GRM1: variants seen among roughly 807,000 people sequenced by gnomAD.
GRM1 encodes the protein glutamate metabotropic receptor 1.
In GRM1, 33 loss-of-function variants were observed where a neutral mutation model predicts 90.9. The observed-to-expected ratio is 0.36, with a 90% CI of 0.28 to 0.49. The LOEUF is 0.49. Ranked by LOEUF, GRM1 falls within the 20% of genes least tolerant of loss-of-function variation. The probability of loss-of-function intolerance (pLI) is 0.99; values close to 1 mark genes in which losing one functional copy is unlikely to be tolerated. For synonymous variants in GRM1, 700 were observed against 613.2 expected, an observed-to-expected ratio of 1.14 and a Z score of -2.09; for missense variants, 1,190 against 1,534.3, an observed-to-expected ratio of 0.78 and a Z score of 3.75.
At chr6:146,097,163 T>A (rs185670178) in intron 1 of GRM1, among the ~76,000 whole-genome samples, 1 of 152,236 alleles carries the variant, frequency 6.6e-6, no homozygotes, top group East Asian at 1.9e-4. Flanking sequence ...ATAAATTAAA[T>A]TTTAGGGAGA....
chr6:146,111,628 T>C (rs1188795545), intron 1 of GRM1, among the ~76,000 whole-genome samples: 2 of 152,076 alleles, frequency 1.3e-5, no homozygotes, highest in South Asian at 2.1e-4. Context: ...TGATGAGGAG[T>C]TGTTCATGCA....
chr6:146,408,392 T>G (rs1170126968), intron 7 of GRM1, among the ~76,000 whole-genome samples: 1 of 152,186 alleles, frequency 6.6e-6, no homozygotes. Context: ...AACTTCTATG[T>G]GTTTCAGTTA....
intron 6 of GRM1, among the ~76,000 whole-genome samples, chr6:146,388,581 G>A (rs1299321162): frequency 1.3e-5 from 2 of 151,996 alleles, no homozygotes; most frequent in East Asian, 3.9e-4. Flanking sequence ...TAGTACAAAG[G>A]TCCTTTTTAA....
intron 1 of GRM1, among the ~76,000 whole-genome samples, chr6:146,140,117 C>CT (rs1348647296): frequency 8.4e-6 from 1 of 118,462 alleles, no homozygotes; most frequent in Non-Finnish European, 1.7e-5. Context: ...TTCTTTCTTT[C>CT]TTTCTTTCTT....
chr6:146,095,248 G>C (rs1776838697), intron 1 of GRM1, among the ~76,000 whole-genome samples: 1 of 152,084 alleles, frequency 6.6e-6, no homozygotes, highest in African/African-American at 2.4e-5. Flanking sequence ...CACTTCTTCT[G>C]ATAGCAGGGT....
At chr6:146,241,368 G>A (rs776953722) in intron 2 of GRM1, among the ~76,000 whole-genome samples, 7 of 152,270 alleles carry the variant, frequency 4.6e-5, no homozygotes, top group Non-Finnish European at 1.0e-4. Flanking sequence ...TACCTTTGAG[G>A]AGTTCATGGT....
intron 1 of GRM1, among the ~76,000 whole-genome samples, chr6:146,035,578 A>T (rs1790861111): frequency 2.0e-5 from 3 of 152,008 alleles, no homozygotes; most frequent in Non-Finnish European, 1.5e-5. Flanking sequence ...TGCAAACACT[A>T]CTGTAAGGTC....
chr6:146,427,260 G>T (rs148092566), intron 7 of GRM1, among the ~76,000 whole-genome samples: 5 of 152,028 alleles, frequency 3.3e-5, no homozygotes, highest in Non-Finnish European at 7.4e-5. Context: ...AGATTTCCTC[G>T]TCTGATAAAA....
At chr6:146,263,518 A>G (rs766341798) in intron 2 of GRM1, among the ~76,000 whole-genome samples, 1 of 151,986 alleles carries the variant, frequency 6.6e-6, no homozygotes, top group South Asian at 2.1e-4. Flanking sequence ...ATAAAATAGC[A>G]GGGAAGTATT....
chr6:146,342,978 T>A (rs938133682), intron 3 of GRM1, among the ~76,000 whole-genome samples: 25 of 152,310 alleles, frequency 1.6e-4, no homozygotes, highest in African/African-American at 5.3e-4. Context: ...ATCTTTTTTT[T>A]TTCCTTTTTC....
chr6:146,154,200 G>A (rs568168701), intron 1 of GRM1, among the ~76,000 whole-genome samples: 1 of 152,144 alleles, frequency 6.6e-6, no homozygotes, highest in Non-Finnish European at 1.5e-5. Context: ...GAAGTCCAAG[G>A]GTGGGCACCC....
chr6:146,378,808 G>T (rs1776208112), intron 5 of GRM1, among the ~76,000 whole-genome samples: 1 of 152,144 alleles, frequency 6.6e-6, no homozygotes. Flanking sequence ...GATTTGGGAG[G>T]GGCCAGGGAG....
chr6:146,064,871 A>AT (rs770108740), intron 1 of GRM1, among the ~76,000 whole-genome samples: 13 of 151,672 alleles, frequency 8.6e-5, no homozygotes, highest in Non-Finnish European at 1.6e-4. Flanking sequence ...TAGTTACAGA[A>AT]TTTTTTTCGA....
At chr6:146,102,650 G>A (rs1777088557) in intron 1 of GRM1, among the ~76,000 whole-genome samples, 1 of 152,132 alleles carries the variant, frequency 6.6e-6, no homozygotes, top group Non-Finnish European at 1.5e-5. Context: ...ATGATTTGAT[G>A]AACTAATAAC....
chr6:146,214,122 T>G (rs547633585), intron 2 of GRM1, among the ~76,000 whole-genome samples: 2 of 152,248 alleles, frequency 1.3e-5, no homozygotes, highest in African/African-American at 4.8e-5. Context: ...GGGTGGATCT[T>G]CCCCCAGGCA....
chr6:146,397,789 AAC>A (rs1680267732), intron 6 of GRM1, among the ~76,000 whole-genome samples: 2 of 152,172 alleles, frequency 1.3e-5, no homozygotes, highest in African/African-American at 4.8e-5. Flanking sequence ...TTGGCATCCA[AAC>A]ACATGTTCAC....
At chr6:146,286,611 G>A (rs535500621) in intron 2 of GRM1, among the ~76,000 whole-genome samples, 2 of 152,300 alleles carry the variant, frequency 1.3e-5, no homozygotes, top group Admixed American at 6.5e-5. Context: ...TACACTTTCA[G>A]TTAAATTACA....
intron 3 of GRM1, among the ~76,000 whole-genome samples, chr6:146,317,815 T>G (rs189765695): frequency 1.3e-5 from 2 of 152,290 alleles, no homozygotes; most frequent in East Asian, 3.9e-4. Flanking sequence ...CACATTTCAT[T>G]GACCAAAGCA....
chr6:146,322,873 A>G (rs1784250703), intron 3 of GRM1, among the ~76,000 whole-genome samples: 1 of 151,684 alleles, frequency 6.6e-6, no homozygotes, highest in Non-Finnish European at 1.5e-5. Context: ...TCTACTTGCG[A>G]TAGTTTGCTG....
Sources: gnomAD v4.1 joint callset for allele counts (sites outside exome capture counted in the v4.1 genomes callset) on GRCh38, gnomAD v4.1.1 for gene constraint, MANE v1.5 for transcripts, NCBI Gene and HGNC (gene_info 2026-07-23, HGNC 2026-07-21) for gene names.